TCF4: variants seen among roughly 807,000 people sequenced by gnomAD.
TCF4 encodes transcription factor 4.
A neutral mutation model predicts 82.1 loss-of-function variants in TCF4; 3 were observed. The observed-to-expected ratio is 0.04, with a 90% CI of 0.02 to 0.09. The LOEUF (loss-of-function observed/expected upper bound fraction) is 0.09, where lower values mean the gene tolerates loss of function less well. TCF4 is among the 10% of genes least tolerant of loss of function. The probability of loss-of-function intolerance (pLI) is 1.00; values close to 1 mark genes in which losing one functional copy is unlikely to be tolerated. For missense variants in TCF4, 518 were observed against 852.7 expected (o/e 0.61, Z 4.89); for synonymous variants, 276 against 309.6 (o/e 0.89, Z 1.14).
At chr18:55,566,410 G>A (rs2097407112) in intron 3 of TCF4, among the ~76,000 whole-genome samples, 1 of 151,856 alleles carries the variant, frequency 6.6e-6, no homozygotes, top group Admixed American at 6.6e-5. Context: ...TTTTGTACTT[G>A]TACCCTATAA....
At chr18:55,359,901 C>A (rs1295147148) in intron 6 of TCF4, among the ~76,000 whole-genome samples, 2 of 152,100 alleles carry the variant, frequency 1.3e-5, no homozygotes, top group African/African-American at 4.8e-5. Flanking sequence ...GATGGCTTAC[C>A]TTTGTTCTTA....
At chr18:55,505,782 C>T (rs1243740531) in intron 3 of TCF4, among the ~76,000 whole-genome samples, 5 of 129,276 alleles carry the variant, frequency 3.9e-5, no homozygotes, top group African/African-American at 5.8e-5. Flanking sequence ...CCAGCCTGGG[C>T]CACAGAGCGA....
chr18:55,507,797 A>C, intron 3 of TCF4, among the ~76,000 whole-genome samples: 1 of 152,120 alleles, frequency 6.6e-6, no homozygotes, highest in Non-Finnish European at 1.5e-5. Flanking sequence ...GTGTGCTGGG[A>C]GTAATCTATC....
chr18:55,560,792 G>A lies in TCF4; in HGVS notation c.145+24488C>T, dbSNP rs188204953. 3.4e-3 allele frequency among the ~76,000 whole-genome samples: 520 copies of A among 152,066 alleles called. 3 individuals carry two copies. Among genetic ancestry groups the A allele is most frequent in the Non-Finnish European group, 5.6e-3 (379 of 67,990 alleles). On this transcript the variant is annotated intron_variant, in intron 3 of 19. Coordinates refer to ENST00000354452, the MANE Select transcript of TCF4 (RefSeq NM_001083962.2). ...GATGATGAAGTATGTGTCTATCTGT[G>A]AACTCCTTTTTTTTTTCAGAAGGGA...
At chr18:55,271,795 A>G (rs2060437156) in intron 10 of TCF4, among the ~76,000 whole-genome samples, 2 of 152,094 alleles carry the variant, frequency 1.3e-5, no homozygotes, top group Non-Finnish European at 2.9e-5. Flanking sequence ...CTATTCTGAA[A>G]GCTTAGCAGG....
rs772409228 is a variant in TCF4 at position 55,392,462 on chromosome 18, C to CAAA, written c.369+10989_369+10991dup. Among the ~76,000 whole-genome samples the CAAA allele has an allele frequency of 4.7e-4, 45 of 95,466 alleles. 1 individual carries two copies. The highest frequency in any genetic ancestry group is 1.3e-3 in the African/African-American group (33 of 26,308). The allele number at this position is 95,466 out of a possible 152,430, so 62.6% of individuals were successfully genotyped here. On this transcript the variant is annotated intron_variant, in intron 6 of 19. Transcript: ENST00000354452. ...AGAGACCCAATCCCCAACAACCCCA[C>CAAA]AAAAAAAAAAAAAAAAAAAGAATAT...
At chr18:55,353,274 A>G (rs2082690525) in intron 6 of TCF4, among the ~76,000 whole-genome samples, 1 of 152,214 alleles carries the variant, frequency 6.6e-6, no homozygotes, top group Non-Finnish European at 1.5e-5. Context: ...GCTGTGGTTG[A>G]CCTTATTGTT....
At chr18:55,442,851 C>T (rs761810146) in intron 5 of TCF4, among the ~76,000 whole-genome samples, 5 of 152,182 alleles carry the variant, frequency 3.3e-5, no homozygotes, top group African/African-American at 4.8e-5. Context: ...ACAGAATGAA[C>T]ACATGAAGCT....
rs548072776 is a variant in TCF4, at chr18:55,438,814, T to C, written c.304+22205A>G. On this transcript the variant is annotated intron_variant, in intron 5 of 19. Transcript: ENST00000354452. ...CCCACACAGCTGTTACAGTAGTATC[T>C]GAAGGTGAGAAGAAGGGACCGAAGT... Among the ~76,000 whole-genome samples, 4 of 152,060 alleles carry C rather than the reference T, an allele frequency of 2.6e-5. No homozygotes were observed. The South Asian group carries it at 8.3e-4, about 32-fold the overall frequency.
At chr18:55,511,328 GT>G (rs772637518) in intron 3 of TCF4, among the ~76,000 whole-genome samples, 8 of 77,988 alleles carry the variant, frequency 1.0e-4, no homozygotes, top group Admixed American at 1.6e-4. Context: ...AATTCCAAAA[GT>G]TTAAAAAAAA....
chr18:55,269,533 C>A (rs1477624884), intron 11 of TCF4: 3 of 410,246 alleles, frequency 7.3e-6, no homozygotes, highest in Non-Finnish European at 1.4e-5. Context: ...CATCTTATGA[C>A]TTTGTTCACT....
intron 3 of TCF4, among the ~76,000 whole-genome samples, chr18:55,481,211 C>G (rs1219424465): frequency 2.0e-5 from 3 of 151,724 alleles, no homozygotes; most frequent in African/African-American, 7.3e-5. Context: ...GTGTATTTCT[C>G]TAACTCCATT....
chr18:55,241,708 T>G (rs1395746898), intron 15 of TCF4, among the ~76,000 whole-genome samples: 3 of 152,224 alleles, frequency 2.0e-5, no homozygotes. Context: ...GTTATTCAAG[T>G]AACACATGCT....
At chr18:55,305,404 C>T (rs1185462330) in intron 8 of TCF4, among the ~76,000 whole-genome samples, 1 of 152,188 alleles carries the variant, frequency 6.6e-6, no homozygotes, top group Non-Finnish European at 1.5e-5. Flanking sequence ...TCCTTTAACT[C>T]TTTCTCTGTG....
intron 17 of TCF4, 42 bp from the exon 18 acceptor site, chr18:55,229,118 GA>G (rs1385445843): frequency 1.9e-6 from 3 of 1,598,878 alleles, no homozygotes; most frequent in African/African-American, 1.3e-5. Flanking sequence ...ATGGTGTGGG[GA>G]AAAAGAAGGT....
Position 55,232,541 on chromosome 18 carries a change from C to G in TCF4, c.1617G>C (p.Lys539Asn). The change falls in exon 17 of 20, where the codon AAG becomes AAC. Residue 539 changes from lysine to asparagine, a missense_variant. Around this residue, in one of 7 missense-constraint regions of TCF4, gnomAD observed 144 missense variants for 190.2 expected, o/e 0.76. Transcript: ENST00000354452. The part of the protein sequence containing the change: ...SEDKKLDDDK[K>N]DIKSITRSRS... ...TTGACCTAGTAATTGATTTGATATC[C>G]TTCTTGTCGTCATCTAATTTCTTGT... The G allele has an allele frequency of 6.2e-7, 1 of 1,614,102 alleles. No individual in the cohort carries two copies. The highest frequency in any genetic ancestry group is 8.5e-7 in the Non-Finnish European group (1 of 1,180,018).
At chr18:55,367,952 T>C (rs937789186) in intron 6 of TCF4, among the ~76,000 whole-genome samples, 9 of 152,134 alleles carry the variant, frequency 5.9e-5, no homozygotes, top group South Asian at 4.1e-4. Context: ...TGAAAGACAA[T>C]GTAAAACTCT....
chr18:55,239,254 A>G (rs2050468424), intron 15 of TCF4, among the ~76,000 whole-genome samples: 1 of 152,252 alleles, frequency 6.6e-6, no homozygotes, highest in South Asian at 2.1e-4. Context: ...TTTAAATCAC[A>G]GAACTTAGAC....
intron 1 of TCF4, 43 bp downstream of exon 1, chr18:55,587,995 G>A (rs2097668936): frequency 2.0e-6 from 2 of 979,790 alleles, no homozygotes; most frequent in South Asian, 4.6e-5. Flanking sequence ...CCGCGCCGCC[G>A]GGCGCCTCCG....
Sources: allele counts gnomAD v4.1 joint callset (sites outside exome capture counted in the v4.1 genomes callset), GRCh38; gene constraint gnomAD v4.1.1; regional missense constraint gnomAD v4.1.1; transcripts MANE v1.5; gene names NCBI Gene and HGNC (gene_info 2026-07-23, HGNC 2026-07-21).